UBE3C: variants seen among roughly 807,000 people sequenced by gnomAD.
The protein encoded by UBE3C is ubiquitin-protein ligase E3C.
Under a neutral mutation model 129.4 loss-of-function variants are expected in UBE3C, and 42 were observed. That is an observed-to-expected ratio of 0.32 (90% CI 0.25 to 0.42). UBE3C has a LOEUF of 0.42. Ranked by LOEUF, UBE3C falls within the 10% of genes least tolerant of loss-of-function variation. The pLI, the probability that UBE3C is intolerant of heterozygous loss-of-function variation, is 1.00. For synonymous variants in UBE3C, 510 were observed against 492.4 expected (o/e 1.04, Z -0.47); for missense variants, 1,049 against 1,319.1 (o/e 0.80, Z 3.17).
At chr7:157,191,429 C>T (rs1808963919) in intron 10 of UBE3C, among the ~76,000 whole-genome samples, 1 of 152,230 alleles carries the variant, frequency 6.6e-6, no homozygotes, top group East Asian at 1.9e-4. Flanking sequence ...GTAGCTGGGA[C>T]GATAGGCGTG....
chr7:157,264,462 T>TAC (rs58070039), intron 22 of UBE3C, among the ~76,000 whole-genome samples: 13,020 of 91,670 alleles, frequency 0.14, 961 homozygotes, highest in Middle Eastern at 0.17. Flanking sequence ...CTCGGCCTGT[T>TAC]ACACACACAC....
chr7:157,178,095 C>CT (rs1325486891), intron 5 of UBE3C, among the ~76,000 whole-genome samples: 1 of 151,898 alleles, frequency 6.6e-6, no homozygotes, highest in African/African-American at 2.4e-5. Flanking sequence ...CAAGAAGAAA[C>CT]TTTCGGGAGT....
chr7:157,206,099 AT>A (rs1341244922), intron 11 of UBE3C, among the ~76,000 whole-genome samples: 1 of 152,096 alleles, frequency 6.6e-6, no homozygotes, highest in Non-Finnish European at 1.5e-5. Flanking sequence ...TTAACCTGTG[AT>A]TGATTTGACT....
In UBE3C at chr7:157,268,489, G is replaced by A. The variant is rs1797138252; in HGVS notation, c.*734G>A. 6.6e-6 allele frequency: 1 copy of A among 152,530 alleles called. No homozygotes were observed. The highest frequency in any genetic ancestry group is 1.5e-5 in the Non-Finnish European group (1 of 68,084). The allele number at this position is 152,530 out of a possible 1,614,324, so 9.4% of individuals were successfully genotyped here. A position where few individuals can be genotyped will look rare whatever the true frequency, so the allele number is the denominator to read the frequency against. On this transcript the variant is annotated 3_prime_UTR_variant, in exon 23 of 23. Coordinates refer to ENST00000348165, the MANE Select transcript of UBE3C (RefSeq NM_014671.3). ...GCTTTCAGGGGAGGTGGAGGAGGAG[G>A]GTCTGCCAAGCTACTGCAACATCTG...
intron 1 of UBE3C, among the ~76,000 whole-genome samples, chr7:157,151,241 C>T (rs529867283): frequency 1.9e-4 from 29 of 152,224 alleles, no homozygotes; most frequent in Non-Finnish European, 3.1e-4. Flanking sequence ...AAAACAAATA[C>T]GCTGTGTTTT....
At chr7:157,205,867 C>T (rs531261057) in intron 11 of UBE3C, among the ~76,000 whole-genome samples, 5 of 152,224 alleles carry the variant, frequency 3.3e-5, no homozygotes, top group African/African-American at 1.2e-4. Context: ...ATGGCAGTGC[C>T]CTCCCCTGAA....
At chr7:157,199,527 A>G (rs1809220895) in intron 10 of UBE3C, among the ~76,000 whole-genome samples, 1 of 151,618 alleles carries the variant, frequency 6.6e-6, no homozygotes, top group Non-Finnish European at 1.5e-5. Flanking sequence ...CTGGAGTGTA[A>G]TGGTGTGATC....
chr7:157,149,906 C>T (rs1158785998), intron 1 of UBE3C, among the ~76,000 whole-genome samples: 1 of 152,086 alleles, frequency 6.6e-6, no homozygotes, highest in Admixed American at 6.6e-5. Flanking sequence ...CCTTGTTCTC[C>T]TGTCTCAGGC....
intron 1 of UBE3C, among the ~76,000 whole-genome samples, chr7:157,148,729 TTC>T (rs1393961130): frequency 1.4e-5 from 2 of 139,710 alleles, no homozygotes; most frequent in African/African-American, 6.1e-5. Flanking sequence ...ATCAAATTAG[TTC>T]TTTTTTTTTT....
Position 157,183,980 on chromosome 7 carries a change from C to CTA in UBE3C, c.1094_1095insTA (p.Ser366ThrfsTer27). ...GCCAGCGCGAGCTGTCACGACTCAG[C>CTA]CAGTGACTCTGAGGAGGAGAGTGAA... On this transcript the variant is annotated frameshift_variant, in exon 9 of 23. Coordinates refer to ENST00000348165, the MANE Select transcript of UBE3C (RefSeq NM_014671.3). LOFTEE classifies it high-confidence loss of function. 6.2e-7 allele frequency: 1 copy of CTA among 1,614,198 alleles called. No homozygotes were observed. The highest frequency in any genetic ancestry group is 8.5e-7 in the Non-Finnish European group (1 of 1,180,036).
At chr7:157,196,949 A>T (rs1809137375) in intron 10 of UBE3C, among the ~76,000 whole-genome samples, 1 of 152,212 alleles carries the variant, frequency 6.6e-6, no homozygotes, top group East Asian at 1.9e-4. Context: ...AGGCTGGGCA[A>T]CAAGAGCAAA....
chr7:157,241,431 G>A (rs1296526220), intron 18 of UBE3C, among the ~76,000 whole-genome samples: 1 of 152,242 alleles, frequency 6.6e-6, no homozygotes, highest in African/African-American at 2.4e-5. Flanking sequence ...TCCAGGGACT[G>A]GCAGCAAGCA....
intron 4 of UBE3C, among the ~76,000 whole-genome samples, chr7:157,172,845 G>T (rs191325502): frequency 6.6e-6 from 1 of 152,184 alleles, no homozygotes; most frequent in Non-Finnish European, 1.5e-5. Flanking sequence ...GTGAGATGTC[G>T]ATTGGTGTCT....
In UBE3C at chr7:157,254,353, G is replaced by C. The variant is rs186237019; in HGVS notation, c.2950+43G>C. The stretch of plus-strand genomic sequence containing the variant: ...GTTATTGTTTCTGAAAATGTTGCAG[G>C]TGGTCATATTTCCAAAGTAATTTTT... On this transcript the variant is annotated intron_variant, in intron 21 of 22. Transcript: ENST00000348165. 158 of 1,231,690 alleles carry C rather than the reference G, an allele frequency of 1.3e-4. 1 individual carries two copies. In the African/African-American group the frequency reaches 2.1e-3, roughly 17 times the overall value. The allele number at this position is 1,231,690 out of a possible 1,614,324, so 76.3% of individuals were successfully genotyped here.
chr7:157,186,704 T>C lies in UBE3C; in HGVS notation c.1144-130T>C, dbSNP rs77027870. On this transcript the variant is annotated intron_variant, in intron 9 of 22. Transcript: ENST00000348165. ...GGATTTCACACTAAGTGTACTGTGA[T>C]GTAGATAATTTTGAGATGATGCCTA... is the stretch of plus-strand genomic sequence containing the variant. 6,349 of 994,370 alleles carry C rather than the reference T, an allele frequency of 6.4e-3. 304 individuals are homozygous for C. In the African/African-American group the frequency reaches 0.091, roughly 14 times the overall value. The allele number at this position is 994,370 out of a possible 1,614,324, so 61.6% of individuals were successfully genotyped here.
At chr7:157,208,607 TTTA>T (rs1284641801) in intron 13 of UBE3C, among the ~76,000 whole-genome samples, 1 of 152,122 alleles carries the variant, frequency 6.6e-6, no homozygotes, top group Non-Finnish European at 1.5e-5. Context: ...TTTCTTAGAT[TTTA>T]TTGTTTTTTC....
chr7:157,180,368 C>T (rs921404321), intron 6 of UBE3C, among the ~76,000 whole-genome samples: 1 of 152,094 alleles, frequency 6.6e-6, no homozygotes, highest in African/African-American at 2.4e-5. Flanking sequence ...GTATTTTTAT[C>T]TTTTTAGTTT....
intron 14 of UBE3C, among the ~76,000 whole-genome samples, chr7:157,219,261 C>T (rs1323140726): frequency 6.6e-6 from 1 of 152,182 alleles, no homozygotes; most frequent in Non-Finnish European, 1.5e-5. Context: ...GGGAAAATGT[C>T]AGCTGAACCC....
At chr7:157,171,090 G>A (rs1808355008) in intron 4 of UBE3C, among the ~76,000 whole-genome samples, 1 of 150,326 alleles carries the variant, frequency 6.7e-6, no homozygotes, top group Admixed American at 6.6e-5. Context: ...TGGAATTATA[G>A]GCGTGAGCCA....
Sources: gnomAD v4.1 joint callset for allele counts (sites outside exome capture counted in the v4.1 genomes callset) on GRCh38, gnomAD v4.1.1 for gene constraint, MANE v1.5 for transcripts, NCBI Gene and HGNC (gene_info 2026-07-23, HGNC 2026-07-21) for gene names.